The following MRC1 variants were observed in gnomAD, a reference collection of about 807,000 sequenced individuals.
The protein encoded by MRC1 is macrophage mannose receptor 1.
Under a neutral mutation model 102.9 loss-of-function variants are expected in MRC1, and 62 were observed. The observed-to-expected ratio is 0.60, with a 90% CI of 0.49 to 0.74. The LOEUF is 0.74. Ranked by LOEUF, MRC1 falls within the 30% of genes least tolerant of loss-of-function variation. The pLI is 0.00. For synonymous variants in MRC1, 457 were observed against 298.4 expected (o/e 1.53, Z -5.48); for missense variants, 1,237 against 862.8 (o/e 1.43, Z -5.43).
intron 1 of MRC1, among the ~76,000 whole-genome samples, chr10:17,814,333 C>G (rs571634948): frequency 0.014 from 2,176 of 152,238 alleles, 56 homozygotes; most frequent in African/African-American, 0.049. Context: ...ACTTAGATCC[C>G]TTTATCTGTA....
intron 22 of MRC1, among the ~76,000 whole-genome samples, chr10:17,887,253 TG>T (rs1202918342): frequency 2.0e-5 from 3 of 151,464 alleles, no homozygotes; most frequent in Admixed American, 2.0e-4. Context: ...TAGCCGGGCG[TG>T]GTGGTGGGCG....
At chr10:17,882,356 G>A (rs1434867963) in intron 21 of MRC1, among the ~76,000 whole-genome samples, 2 of 151,748 alleles carry the variant, frequency 1.3e-5, no homozygotes, top group African/African-American at 2.4e-5. Context: ...ATAGATTTAG[G>A]CTCAAAATTA....
At chr10:17,889,749 G>A (rs977446494) in intron 22 of MRC1, among the ~76,000 whole-genome samples, 1 of 152,098 alleles carries the variant, frequency 6.6e-6, no homozygotes, top group South Asian at 2.1e-4. Flanking sequence ...CACCAAATAC[G>A]TTATCACCAA....
At chr10:17,892,967 G>A (rs144219401) in intron 22 of MRC1, among the ~76,000 whole-genome samples, 1,584 of 148,576 alleles carry the variant, frequency 0.011, 17 homozygotes, top group Middle Eastern at 0.018. Flanking sequence ...CCAGGATTGC[G>A]CCACTGCAAT....
intron 21 of MRC1, among the ~76,000 whole-genome samples, chr10:17,884,523 G>A (rs1833562971): frequency 6.6e-6 from 1 of 152,196 alleles, no homozygotes; most frequent in Admixed American, 6.5e-5. Flanking sequence ...CCACATGGCT[G>A]GGGAGGCCTC....
At chr10:17,894,382 CTTTCTTTCTTTCTTTTTTTT>C (rs1833723570) in intron 23 of MRC1, 70 bp downstream of exon 23, 2 of 624,058 alleles carry the variant, frequency 3.2e-6, no homozygotes, top group African/African-American at 5.0e-5. Flanking sequence ...TTCTTTCTTT[CTTTCTTTCTTTCTTTTTTTT>C]TTTTTTTTTT....
chr10:17,858,011 C>A (rs1297786975), intron 9 of MRC1, among the ~76,000 whole-genome samples: 2 of 152,006 alleles, frequency 1.3e-5, no homozygotes, highest in Non-Finnish European at 2.9e-5. Flanking sequence ...GACTGAAACC[C>A]CAAATTATAA....
At chr10:17,868,876 G>T (rs1450329487) in intron 12 of MRC1, among the ~76,000 whole-genome samples, 2 of 152,186 alleles carry the variant, frequency 1.3e-5, no homozygotes, top group African/African-American at 2.4e-5. Context: ...GACAGAAGAG[G>T]TTTGTAAATG....
At chr10:17,820,125 T>C (rs1304342705) in intron 1 of MRC1, among the ~76,000 whole-genome samples, 2 of 152,200 alleles carry the variant, frequency 1.3e-5, no homozygotes, top group Non-Finnish European at 2.9e-5. Flanking sequence ...CTGATTGAAA[T>C]GATCATCTCA....
chr10:17,849,197 G>A (rs1838874233), intron 6 of MRC1, among the ~76,000 whole-genome samples: 1 of 151,366 alleles, frequency 6.6e-6, no homozygotes, highest in Non-Finnish European at 1.5e-5. Flanking sequence ...AGCTACTTAG[G>A]AGGCTGAGGC....
At chr10:17,875,399 T>C in intron 17 of MRC1, 146 bp downstream of exon 17, 1 of 671,578 alleles carries the variant, frequency 1.5e-6, no homozygotes, top group East Asian at 2.5e-5. Flanking sequence ...GAATGTGTAG[T>C]CTTTTATCCC....
At chr10:17,838,613 C>G (rs1838705345) in intron 4 of MRC1, among the ~76,000 whole-genome samples, 1 of 151,788 alleles carries the variant, frequency 6.6e-6, no homozygotes, top group South Asian at 2.1e-4. Context: ...TGTGTATCTT[C>G]TATTACATCT....
chr10:17,819,688 A>T (rs1216173688), intron 1 of MRC1, among the ~76,000 whole-genome samples: 11 of 152,168 alleles, frequency 7.2e-5, no homozygotes, highest in African/African-American at 2.4e-4. Context: ...CATGCCTGTA[A>T]TCTCAGCACT....
intron 10 of MRC1, among the ~76,000 whole-genome samples, chr10:17,861,915 C>G (rs941635995): frequency 4.6e-5 from 7 of 152,178 alleles, no homozygotes; most frequent in African/African-American, 1.7e-4. Flanking sequence ...TCTTTCCAGT[C>G]TTCCATTCTT....
intron 10 of MRC1, 51 bp from the exon 11 acceptor site, chr10:17,863,483 T>A: frequency 1.3e-6 from 1 of 779,468 alleles, no homozygotes; most frequent in South Asian, 1.3e-5. Context: ...TTTTGAAAAT[T>A]GGCATAAATG....
rs1589163302 is a variant in MRC1 at position 17,818,337 on chromosome 10, A to G, written c.62-4737A>G. 2.0e-5 allele frequency among the ~76,000 whole-genome samples: 3 copies of G among 152,380 alleles called. No homozygotes were observed. In the East Asian group the frequency reaches 5.8e-4, roughly 29 times the overall value. ...GAGATTATTTATGCTCCCCAAAAAG[A>G]GACTGCAGCACTAAATCAGAAAGAT... is the stretch of plus-strand genomic sequence containing the variant. On this transcript the variant is annotated intron_variant, in intron 1 of 29. Transcript: ENST00000569591.
rs1284278519 is a variant in MRC1, at chr10:17,885,252, A to G, written c.2981-17A>G. 1.3e-5 allele frequency: 10 copies of G among 780,690 alleles called. No homozygotes were observed. The highest frequency in any genetic ancestry group is 5.1e-5 in the Admixed American group (3 of 59,008). The allele number at this position is 780,690 out of a possible 1,614,324, so 48.4% of individuals were successfully genotyped here. On this transcript the variant is annotated splice_polypyrimidine_tract_variant and intron_variant, in intron 21 of 29. Transcript: ENST00000569591. The stretch of plus-strand genomic sequence containing the variant: ...AACTCTCAAAGTTTAAAATTATATC[A>G]TGAAATTTTCTTTCAGCATTTCTTA...
chr10:17,877,094 A>C (rs1417960560), intron 17 of MRC1, among the ~76,000 whole-genome samples: 1 of 149,578 alleles, frequency 6.7e-6, no homozygotes, highest in Non-Finnish European at 1.5e-5. Context: ...TATATATATG[A>C]AAATCAAATA....
At chr10:17,850,936 G>C (rs1838906680) in intron 7 of MRC1, among the ~76,000 whole-genome samples, 1 of 152,176 alleles carries the variant, frequency 6.6e-6, no homozygotes, top group Non-Finnish European at 1.5e-5. Flanking sequence ...GAATAGCCCA[G>C]CTGCAGCCTA....
Sources: allele counts gnomAD v4.1 joint callset (sites outside exome capture counted in the v4.1 genomes callset), GRCh38; gene constraint gnomAD v4.1.1; transcripts MANE v1.5; gene names NCBI Gene and HGNC (gene_info 2026-07-23, HGNC 2026-07-21).